KL: variants seen among roughly 807,000 people sequenced by gnomAD.
The protein encoded by KL is klotho.
KL carries 62 observed loss-of-function variants against 84.2 expected under a neutral mutation model. The observed-to-expected ratio is 0.74, with a 90% CI of 0.60 to 0.91. The LOEUF (loss-of-function observed/expected upper bound fraction) is 0.91, where lower values mean the gene tolerates loss of function less well. KL is among the 40% of genes least tolerant of loss of function. The pLI, the probability that KL is intolerant of heterozygous loss-of-function variation, is 0.00. For missense variants in KL, 1,261 were observed against 1,305.7 expected, an observed-to-expected ratio of 0.97 and a Z score of 0.53; for synonymous variants, 528 against 528.0, an observed-to-expected ratio of 1.00 and a Z score of 0.00.
At chr13:33,017,354 C>T in intron 1 of KL, 95 bp downstream of exon 1, 1 of 1,181,236 alleles carries the variant, frequency 8.5e-7, no homozygotes, top group Non-Finnish European at 1.2e-6. Context: ...CTCCCCCAGA[C>T]GAGGCTTCAC....
At chr13:33,047,120 T>A (rs900968510) in intron 1 of KL, among the ~76,000 whole-genome samples, 1 of 152,110 alleles carries the variant, frequency 6.6e-6, no homozygotes, top group Non-Finnish European at 1.5e-5. Context: ...ATATTCTGAT[T>A]TTTTTAGGTG....
intron 1 of KL, among the ~76,000 whole-genome samples, chr13:33,026,561 G>C (rs1223434471): frequency 6.6e-6 from 1 of 152,100 alleles, no homozygotes; most frequent in Non-Finnish European, 1.5e-5. Flanking sequence ...CTGTACAAGG[G>C]GTCATCACTT....
chr13:33,048,372 C>G (rs1871616513), intron 1 of KL, among the ~76,000 whole-genome samples: 1 of 152,188 alleles, frequency 6.6e-6, no homozygotes, highest in African/African-American at 2.4e-5. Context: ...AATGACCTTC[C>G]TGAGTTTCAG....
rs760150064 is a variant in KL, at chr13:33,060,866, C to T, written c.1787C>T (p.Ser596Phe). ...ATGCACGTTACACATTTTCGCTTCT[C>T]CCTGGACTGGGCCCTGATTCTCCCT... ...QEMHVTHFRF[S>F]LDWALILPLG... is the part of the protein sequence containing the mutation. Residue 596 changes from serine (S) to phenylalanine (F), a missense_variant, in exon 4 of 5, where the codon TCC (serine) becomes TTC (phenylalanine). Transcript: ENST00000380099. 4.3e-6 allele frequency: 7 copies of T among 1,614,216 alleles called. No homozygotes were observed. In the South Asian group the frequency reaches 7.7e-5, roughly 18 times the overall value.
At chr13:33,033,538 A>G (rs1871049077) in intron 1 of KL, among the ~76,000 whole-genome samples, 1 of 149,054 alleles carries the variant, frequency 6.7e-6, no homozygotes, top group Admixed American at 6.6e-5. Context: ...ATTTTTTTTT[A>G]CTCTTCTCCC....
At chr13:33,051,660 A>G (rs1871754166) in intron 1 of KL, among the ~76,000 whole-genome samples, 1 of 152,212 alleles carries the variant, frequency 6.6e-6, no homozygotes, top group Non-Finnish European at 1.5e-5. Context: ...GAGCCTTGTT[A>G]AAGTCCTCAA....
At position 33,054,237 on chromosome 13, in the gene KL, T is replaced by C. The variant is rs1437814993; in HGVS notation, c.1290T>C (p.Tyr430=). The C allele has an allele frequency of 1.1e-5, 17 of 1,613,736 alleles. No individual in the cohort carries two copies. The highest frequency in any genetic ancestry group is 1.4e-5 in the Non-Finnish European group (16 of 1,179,994). ...CCACCAAGAGAGATGATGCCAAATA[T>C]ATGTATTACCTCAAAAAGTTCATCA... ...SGTTKRDDAK[Y]MYYLKKFIME... is the part of the protein sequence containing the mutation. Residue 430 remains tyrosine (Y), a synonymous_variant, in exon 2 of 5, where the codon TAT becomes TAC. Transcript: ENST00000380099.
At chr13:33,025,726 G>T (rs1870748491) in intron 1 of KL, among the ~76,000 whole-genome samples, 1 of 152,160 alleles carries the variant, frequency 6.6e-6, no homozygotes, top group Non-Finnish European at 1.5e-5. Context: ...ACTGAATTTT[G>T]TTCATGCCGC....
At chr13:33,023,704 A>AT (rs34430142) in intron 1 of KL, among the ~76,000 whole-genome samples, 21,303 of 152,146 alleles carry the variant, frequency 0.14, 1,579 homozygotes, top group South Asian at 0.17. Context: ...TTTTATTAAC[A>AT]TTTTTTGTTT....
intron 1 of KL, among the ~76,000 whole-genome samples, chr13:33,019,732 T>TGAGAGAGAGAGA (rs59216104): frequency 1.4e-4 from 19 of 133,464 alleles, no homozygotes; most frequent in East Asian, 8.6e-4. Context: ...TGTGTGTGTG[T>TGAGAGAGAGAGA]GAGAGAGAGA....
chr13:33,041,981 AG>A (rs1382860049), intron 1 of KL, among the ~76,000 whole-genome samples: 1 of 152,204 alleles, frequency 6.6e-6, no homozygotes, highest in African/African-American at 2.4e-5. Flanking sequence ...CCATAAGAAC[AG>A]GATCATATTT....
intron 1 of KL, among the ~76,000 whole-genome samples, chr13:33,031,064 C>T (rs9526961): frequency 1.3e-5 from 2 of 151,936 alleles, no homozygotes; most frequent in Non-Finnish European, 2.9e-5. Context: ...TAATAAAATG[C>T]CCCAGAACTG....
chr13:33,042,558 T>A (rs1333396717), intron 1 of KL, among the ~76,000 whole-genome samples: 1 of 152,222 alleles, frequency 6.6e-6, no homozygotes, highest in Non-Finnish European at 1.5e-5. Context: ...GAAGAGTAGT[T>A]CACTCTTTGC....
chr13:33,038,740 A>G (rs1193153767), intron 1 of KL, among the ~76,000 whole-genome samples: 1 of 152,240 alleles, frequency 6.6e-6, no homozygotes, highest in Non-Finnish European at 1.5e-5. Flanking sequence ...ATAAGTAATC[A>G]TTGAAAAGTG....
intron 1 of KL, among the ~76,000 whole-genome samples, chr13:33,019,038 A>G (rs1675756146): frequency 6.6e-6 from 1 of 152,228 alleles, no homozygotes; most frequent in African/African-American, 2.4e-5. Flanking sequence ...TTTGCCAAAC[A>G]CTAACCATCC....
intron 1 of KL, among the ~76,000 whole-genome samples, chr13:33,029,759 G>A (rs1355762486): frequency 1.3e-5 from 2 of 151,900 alleles, no homozygotes; most frequent in African/African-American, 2.4e-5. Flanking sequence ...TCAGCCTCCC[G>A]AGTAGCTGGG....
chr13:33,063,112 T>G (rs1295795083), intron 4 of KL, among the ~76,000 whole-genome samples: 2 of 152,044 alleles, frequency 1.3e-5, no homozygotes, highest in Non-Finnish European at 2.9e-5. Flanking sequence ...TAGTTTGAAC[T>G]GGACAGGAGC....
chr13:33,058,819 C>T (rs1872066169), intron 3 of KL, among the ~76,000 whole-genome samples: 1 of 151,996 alleles, frequency 6.6e-6, no homozygotes, highest in African/African-American at 2.4e-5. Flanking sequence ...TTCCTTCAAA[C>T]TCTGAACGCT....
intron 1 of KL, among the ~76,000 whole-genome samples, chr13:33,046,389 A>T (rs966242915): frequency 6.6e-6 from 1 of 152,176 alleles, no homozygotes; most frequent in Non-Finnish European, 1.5e-5. Context: ...GAATTTGGCC[A>T]GGTCATCTCT....
Sources: allele counts gnomAD v4.1 joint callset (sites outside exome capture counted in the v4.1 genomes callset), GRCh38; gene constraint gnomAD v4.1.1; transcripts MANE v1.5; gene names NCBI Gene and HGNC (gene_info 2026-07-23, HGNC 2026-07-21).